Variants in DOK6 observed in about 807,000 individuals in gnomAD.
DOK6 encodes the protein downstream of tyrosine kinase 6.
A neutral mutation model predicts 44.0 loss-of-function variants in DOK6; 22 were observed. That is an observed-to-expected ratio of 0.50 (90% CI 0.36 to 0.71). The LOEUF is 0.71. Ranked by LOEUF, DOK6 falls within the 30% of genes least tolerant of loss-of-function variation. The pLI, the probability that DOK6 is intolerant of heterozygous loss-of-function variation, is 0.00. For missense variants in DOK6, 340 were observed against 416.4 expected (o/e 0.82, Z 1.60); for synonymous variants, 166 against 145.5 (o/e 1.14, Z -1.01).
intron 2 of DOK6, among the ~76,000 whole-genome samples, chr18:69,574,817 G>T (rs995201079): frequency 6.6e-6 from 1 of 151,962 alleles, no homozygotes; most frequent in Non-Finnish European, 1.5e-5. Flanking sequence ...CCATTTTTGT[G>T]GTGTCATAGC....
chr18:69,625,705 A>G (rs943188621), intron 3 of DOK6, among the ~76,000 whole-genome samples: 1 of 152,228 alleles, frequency 6.6e-6, no homozygotes, highest in Non-Finnish European at 1.5e-5. Flanking sequence ...CAATGTTCTT[A>G]CTATTTATTG....
intron 7 of DOK6, among the ~76,000 whole-genome samples, chr18:69,809,943 A>G (rs889284904): frequency 6.6e-6 from 1 of 152,016 alleles, no homozygotes; most frequent in African/African-American, 2.4e-5. Flanking sequence ...CATATCTATC[A>G]AAATTCCAAT....
chr18:69,560,730 T>C (rs1982808965), intron 1 of DOK6, among the ~76,000 whole-genome samples: 1 of 152,150 alleles, frequency 6.6e-6, no homozygotes. Flanking sequence ...CTACCTTCTA[T>C]GCACTGCGGC....
chr18:69,829,855 A>G (rs1981852114), intron 7 of DOK6, among the ~76,000 whole-genome samples: 1 of 152,026 alleles, frequency 6.6e-6, no homozygotes, highest in African/African-American at 2.4e-5. Context: ...ATCTAATAAT[A>G]TTCATATCTA....
intron 5 of DOK6, among the ~76,000 whole-genome samples, chr18:69,733,871 T>C (rs954273206): frequency 3.9e-5 from 6 of 152,192 alleles, no homozygotes; most frequent in African/African-American, 1.4e-4. Flanking sequence ...ATTTCTAAAA[T>C]ATGTTGCTAG....
chr18:69,728,590 A>G (rs1006159443), intron 5 of DOK6, among the ~76,000 whole-genome samples: 2 of 152,144 alleles, frequency 1.3e-5, no homozygotes, highest in South Asian at 4.1e-4. Flanking sequence ...AATGTCCACA[A>G]TAATTTCTCA....
intron 5 of DOK6, among the ~76,000 whole-genome samples, chr18:69,729,502 A>AT (rs146706436): frequency 0.3 from 44,752 of 151,524 alleles, 6,778 homozygotes; most frequent in Middle Eastern, 0.46. Flanking sequence ...AGACTTTAGT[A>AT]TTTTTTTTTC....
At chr18:69,516,253 A>G (rs1238745469) in intron 1 of DOK6, among the ~76,000 whole-genome samples, 3 of 152,176 alleles carry the variant, frequency 2.0e-5, no homozygotes, top group African/African-American at 7.2e-5. Flanking sequence ...CTTTTTTAGA[A>G]TTTAAAATTA....
At chr18:69,533,050 A>G (rs1479543868) in intron 1 of DOK6, among the ~76,000 whole-genome samples, 1 of 152,136 alleles carries the variant, frequency 6.6e-6, no homozygotes, top group African/African-American at 2.4e-5. Context: ...TTGATACTCT[A>G]AAAGAAATAA....
intron 2 of DOK6, among the ~76,000 whole-genome samples, chr18:69,589,492 C>A (rs1265198872): frequency 6.6e-6 from 1 of 151,946 alleles, no homozygotes; most frequent in Non-Finnish European, 1.5e-5. Flanking sequence ...AAAGTAATTT[C>A]ACTTTTCAAA....
At chr18:69,633,671 T>C (rs1258154541) in intron 3 of DOK6, among the ~76,000 whole-genome samples, 4 of 152,230 alleles carry the variant, frequency 2.6e-5, no homozygotes, top group Non-Finnish European at 2.9e-5. Flanking sequence ...TTTTAACTTA[T>C]GAAACAGAAG....
Position 69,754,334 on chromosome 18 carries a change from G to A in DOK6, c.739-3422G>A, listed in dbSNP as rs1221491097. Reference sequence around the variant, plus strand: ...GCACCACACTCCAGCCTGGGCAACAGAGTGAGACCCTATCTCCAAAAAAAA... The same window carrying A: ...GCACCACACTCCAGCCTGGGCAACAAAGTGAGACCCTATCTCCAAAAAAAA... On this transcript the variant is annotated intron_variant, in intron 6 of 7. Transcript: ENST00000382713. Among the ~76,000 whole-genome samples, 5 of 137,418 alleles carry A rather than the reference G, an allele frequency of 3.6e-5. No individual in the cohort carries two copies. In the South Asian group the frequency reaches 7.4e-4, roughly 20 times the overall value. The allele number at this position is 137,418 out of a possible 152,430, so 90.2% of individuals were successfully genotyped here. A position where few individuals can be genotyped will look rare whatever the true frequency, so the allele number is the denominator to read the frequency against.
At position 69,832,025 on chromosome 18, in the gene DOK6, T is replaced by C. The variant is rs183820744; in HGVS notation, c.857-9219T>C. Among the ~76,000 whole-genome samples, 829 of 152,308 alleles carry C rather than the reference T, an allele frequency of 5.4e-3. 25 individuals carry two copies. The highest frequency in any genetic ancestry group is 0.047 in the Admixed American group (716 of 15,292). On this transcript the variant is annotated intron_variant, in intron 7 of 7. Transcript: ENST00000382713. ...TCTTTTACAATTTGGATGCCCTTTC[T>C]TTCTTTTGCGTAATTGCTCTGACTA...
intron 3 of DOK6, among the ~76,000 whole-genome samples, chr18:69,623,576 T>C (rs1029258566): frequency 6.6e-6 from 1 of 152,196 alleles, no homozygotes; most frequent in African/African-American, 2.4e-5. Context: ...AGTAAGGCAA[T>C]GTAGGGCACT....
At chr18:69,497,380 C>G (rs1227351311) in intron 1 of DOK6, among the ~76,000 whole-genome samples, 1 of 152,194 alleles carries the variant, frequency 6.6e-6, no homozygotes, top group Non-Finnish European at 1.5e-5. Flanking sequence ...GCCCCAATCT[C>G]TGGAAACACC....
chr18:69,628,139 C>T (rs1452772468), intron 3 of DOK6, among the ~76,000 whole-genome samples: 1 of 151,790 alleles, frequency 6.6e-6, no homozygotes, highest in African/African-American at 2.4e-5. Flanking sequence ...TTCTGTAAAC[C>T]ATTCATTTTT....
chr18:69,718,312 C>T (rs1043518967), intron 5 of DOK6, among the ~76,000 whole-genome samples: 3 of 152,208 alleles, frequency 2.0e-5, no homozygotes, highest in South Asian at 2.1e-4. Flanking sequence ...CTATTAAACT[C>T]GGATCCTAAG....
intron 6 of DOK6, among the ~76,000 whole-genome samples, chr18:69,752,588 C>T (rs888753298): frequency 1.3e-5 from 2 of 151,990 alleles, no homozygotes; most frequent in African/African-American, 4.8e-5. Context: ...ATAGAGAGTT[C>T]AATGAAGGAA....
chr18:69,505,997 G>A (rs1347743669), intron 1 of DOK6, among the ~76,000 whole-genome samples: 2 of 151,842 alleles, frequency 1.3e-5, no homozygotes, highest in South Asian at 4.2e-4. Flanking sequence ...TAACTGGTGG[G>A]ATCAGTGTGA....
Sources: gnomAD v4.1 joint callset for allele counts (sites outside exome capture counted in the v4.1 genomes callset) on GRCh38, gnomAD v4.1.1 for gene constraint, MANE v1.5 for transcripts, NCBI Gene and HGNC (gene_info 2026-07-23, HGNC 2026-07-21) for gene names.